NLGN4X: variants seen among roughly 807,000 people sequenced by gnomAD.
The protein encoded by NLGN4X is neuroligin 4 X-linked.
Under a neutral mutation model 40.3 loss-of-function variants are expected in NLGN4X, and 3 were observed. The observed-to-expected ratio is 0.07, with a 90% CI of 0.03 to 0.19. NLGN4X has a LOEUF of 0.19. NLGN4X is among the 10% of genes least tolerant of loss of function. The pLI, the probability that NLGN4X is intolerant of heterozygous loss-of-function variation, is 1.00. For missense variants in NLGN4X, 382 were observed against 708.3 expected, an observed-to-expected ratio of 0.54 and a Z score of 5.23; for synonymous variants, 270 against 306.8, an observed-to-expected ratio of 0.88 and a Z score of 1.25.
chrX:6,106,688 C>T (rs1439683745), intron 2 of NLGN4X, among the ~76,000 whole-genome samples: 1 of 112,136 alleles, frequency 8.9e-6, no homozygotes, highest in Non-Finnish European at 1.9e-5. Context: ...TAATTTTCCT[C>T]CATGTCTTTT....
chrX:5,910,792 G>A (rs2032441671), intron 3 of NLGN4X, among the ~76,000 whole-genome samples: 1 of 111,477 alleles, frequency 9.0e-6, no homozygotes, highest in African/African-American at 3.3e-5. Context: ...TGAATCGGGA[G>A]TCACTATCTC....
intron 3 of NLGN4X, among the ~76,000 whole-genome samples, chrX:5,931,647 C>G (rs1356256435): frequency 9.0e-6 from 1 of 111,443 alleles, no homozygotes; most frequent in Non-Finnish European, 1.9e-5. Context: ...AGTAATATAT[C>G]CAAGAAAGAG....
chrX:5,904,791 G>A (rs912337084), intron 4 of NLGN4X, among the ~76,000 whole-genome samples: 6 of 111,688 alleles, frequency 5.4e-5, no homozygotes, highest in African/African-American at 9.8e-5. Context: ...AGCCCGAGTC[G>A]GGCACTAAAG....
intron 3 of NLGN4X, among the ~76,000 whole-genome samples, chrX:5,970,666 G>A (rs1373549956): frequency 9.0e-6 from 1 of 111,702 alleles, no homozygotes; most frequent in African/African-American, 3.3e-5. Flanking sequence ...TAATAATGTG[G>A]GTGTCTCTTG....
At chrX:6,035,348 A>T (rs1013141730) in intron 2 of NLGN4X, among the ~76,000 whole-genome samples, 1 of 111,454 alleles carries the variant, frequency 9.0e-6, no homozygotes, top group Non-Finnish European at 1.9e-5. Context: ...TAAGGATTGT[A>T]CTTTTGAGGT....
At chrX:6,016,423 C>T (rs1443969376) in intron 3 of NLGN4X, among the ~76,000 whole-genome samples, 2 of 111,688 alleles carry the variant, frequency 1.8e-5, no homozygotes, top group Admixed American at 1.9e-4. Context: ...CATGATATCA[C>T]TTTACACCCA....
At chrX:6,127,507 G>A (rs1475625131) in intron 2 of NLGN4X, among the ~76,000 whole-genome samples, 1 of 112,165 alleles carries the variant, frequency 8.9e-6, no homozygotes. Context: ...TACTTGGGAG[G>A]CTGAGGGAGG....
chrX:6,037,767 G>A (rs1352603457), intron 2 of NLGN4X, among the ~76,000 whole-genome samples: 2 of 109,262 alleles, frequency 1.8e-5, no homozygotes, highest in African/African-American at 6.7e-5. Flanking sequence ...GTGGGGGAGG[G>A]GCACGGAAAG....
intron 3 of NLGN4X, among the ~76,000 whole-genome samples, chrX:6,012,050 A>T (rs1202900191): frequency 1.8e-5 from 2 of 112,239 alleles, no homozygotes; most frequent in East Asian, 2.8e-4. Context: ...ATTTTTAGGA[A>T]CCTCCATTTT....
intron 3 of NLGN4X, among the ~76,000 whole-genome samples, chrX:6,006,377 T>C (rs145448510): frequency 2.5e-4 from 28 of 110,818 alleles, no homozygotes; most frequent in African/African-American, 9.2e-4. Flanking sequence ...GTAATCTAAA[T>C]ACTAGATCCA....
chrX:6,135,728 A>C (rs1326096954), intron 2 of NLGN4X, among the ~76,000 whole-genome samples: 1 of 111,678 alleles, frequency 9.0e-6, no homozygotes, highest in Non-Finnish European at 1.9e-5. Flanking sequence ...CTCTGAGAAA[A>C]GGATGACATA....
intron 1 of NLGN4X, among the ~76,000 whole-genome samples, chrX:6,157,238 T>C (rs1234382064): frequency 8.9e-6 from 1 of 111,937 alleles, no homozygotes; most frequent in Non-Finnish European, 1.9e-5. Context: ...TGAAGTTTAA[T>C]GGGTCAGGAA....
chrX:5,937,675 G>A (rs1485481344), intron 3 of NLGN4X, among the ~76,000 whole-genome samples: 1 of 111,476 alleles, frequency 9.0e-6, no homozygotes, highest in Non-Finnish European at 1.9e-5. Context: ...CTGCCTCCAG[G>A]AACCCAAAAT....
chrX:6,120,283 C>G (rs941211202), intron 2 of NLGN4X, among the ~76,000 whole-genome samples: 3 of 111,850 alleles, frequency 2.7e-5, no homozygotes. Context: ...TACCCCCATA[C>G]GAACACTGTT....
chrX:6,216,720 T>C (rs998955257), intron 1 of NLGN4X, among the ~76,000 whole-genome samples: 1 of 112,501 alleles, frequency 8.9e-6, no homozygotes, highest in African/African-American at 3.2e-5. Flanking sequence ...AAAAGGTAAA[T>C]GCATACCCTG....
chrX:6,213,236 C>G (rs754842702), intron 1 of NLGN4X, among the ~76,000 whole-genome samples: 4 of 111,420 alleles, frequency 3.6e-5, no homozygotes, highest in Non-Finnish European at 7.5e-5. Context: ...GATTTCCTCC[C>G]CCAAACACAT....
At chrX:5,958,368 T>G (rs950177064) in intron 3 of NLGN4X, among the ~76,000 whole-genome samples, 13 of 111,719 alleles carry the variant, frequency 1.2e-4, no homozygotes, top group African/African-American at 3.9e-4. Flanking sequence ...AAGTGGAGAC[T>G]GAGGAAGAAA....
At chrX:5,972,165 A>C (rs1237862124) in intron 3 of NLGN4X, among the ~76,000 whole-genome samples, 28 of 110,049 alleles carry the variant, frequency 2.5e-4, no homozygotes, top group Admixed American at 2.3e-3. Flanking sequence ...GTGTGTGTGC[A>C]TGTATGTATG....
chrX:6,067,866 G>A (rs1273594288), intron 2 of NLGN4X, among the ~76,000 whole-genome samples: 2 of 111,296 alleles, frequency 1.8e-5, no homozygotes, highest in Non-Finnish European at 3.8e-5. Flanking sequence ...AAATGCTAAG[G>A]AGAAAAGAAG....
Sources: allele counts gnomAD v4.1 joint callset (sites outside exome capture counted in the v4.1 genomes callset), GRCh38; gene constraint gnomAD v4.1.1; transcripts MANE v1.5; gene names NCBI Gene and HGNC (gene_info 2026-07-23, HGNC 2026-07-21).